The following USP32 variants were observed in gnomAD, a reference collection of about 807,000 sequenced individuals.
USP32 encodes the protein ubiquitin carboxyl-terminal hydrolase 32.
Under a neutral mutation model 204.8 loss-of-function variants are expected in USP32, and 59 were observed. The observed-to-expected ratio is 0.29, with a 90% confidence interval of 0.23 to 0.36. The LOEUF is 0.36. USP32 is among the 10% of genes least tolerant of loss of function. The probability of loss-of-function intolerance (pLI) is 1.00; values close to 1 mark genes in which losing one functional copy is unlikely to be tolerated. For synonymous variants in USP32, 517 were observed against 678.4 expected (o/e 0.76, Z 3.70); for missense variants, 1,160 against 1,946.4 (o/e 0.60, Z 7.60).
chr17:60,308,878 G>A (rs1431697630), intron 2 of USP32, among the ~76,000 whole-genome samples: 3 of 152,146 alleles, frequency 2.0e-5, no homozygotes, highest in Non-Finnish European at 4.4e-5. Flanking sequence ...GCAGTGAGCC[G>A]AGACTGTGCC....
At chr17:60,391,732 C>A (rs2089837979) in intron 1 of USP32, 150 bp downstream of exon 1, 14 of 783,672 alleles carry the variant, frequency 1.8e-5, no homozygotes, top group Non-Finnish European at 2.8e-5. Context: ...CGACCTCTCT[C>A]CTCCACCACA....
At chr17:60,270,955 GA>G (rs1205499748) in intron 6 of USP32, among the ~76,000 whole-genome samples, 2 of 151,824 alleles carry the variant, frequency 1.3e-5, no homozygotes, top group Admixed American at 1.3e-4. Context: ...TTATGTAAAA[GA>G]AAAAAAGTAG....
intron 21 of USP32, among the ~76,000 whole-genome samples, chr17:60,210,146 T>C (rs2084923497): frequency 6.6e-6 from 1 of 152,046 alleles, no homozygotes; most frequent in African/African-American, 2.4e-5. Flanking sequence ...TGGCAAGAGG[T>C]AAGTAGTCAA....
At chr17:60,199,780 C>T (rs1346229357) in intron 26 of USP32, among the ~76,000 whole-genome samples, 3 of 152,086 alleles carry the variant, frequency 2.0e-5, no homozygotes, top group Admixed American at 6.6e-5. Flanking sequence ...AATTTTAAAA[C>T]GTAGCTAAAC....
chr17:60,389,268 C>A (rs968838463), intron 1 of USP32, among the ~76,000 whole-genome samples: 5 of 152,260 alleles, frequency 3.3e-5, no homozygotes, highest in Non-Finnish European at 7.4e-5. Flanking sequence ...CTGGGGACAG[C>A]CGCAGTGGCT....
At chr17:60,421,586 G>A (rs979219743) in intron 1 of USP32, 1 of 984,682 alleles carries the variant, frequency 1.0e-6, no homozygotes, top group Admixed American at 6.1e-5. Context: ...CTCGAGTGAG[G>A]AAACTGCGGG....
chr17:60,203,887 T>C (rs565040447), intron 26 of USP32, among the ~76,000 whole-genome samples: 44 of 152,266 alleles, frequency 2.9e-4, no homozygotes, highest in East Asian at 5.8e-4. Context: ...TCCTTTACTT[T>C]ATAAAATTAA....
intron 11 of USP32, among the ~76,000 whole-genome samples, chr17:60,240,593 C>A (rs2085851431): frequency 6.6e-6 from 1 of 152,128 alleles, no homozygotes; most frequent in Admixed American, 6.6e-5. Context: ...CAATGGTTTA[C>A]AACTATGCCT....
chr17:60,249,330 T>C (rs2145698829), intron 11 of USP32: 1 of 163,970 alleles, frequency 6.1e-6, no homozygotes, highest in South Asian at 2.0e-4. Context: ...AAGCCCACTT[T>C]GGTTTCTCCT....
At chr17:60,349,596 A>AT (rs1249040514) in intron 1 of USP32, among the ~76,000 whole-genome samples, 204 of 65,156 alleles carry the variant, frequency 3.1e-3, no homozygotes, top group Non-Finnish European at 4.1e-3. Flanking sequence ...AAAAAAAAAA[A>AT]ATATATATAT....
At chr17:60,259,152 A>G (rs545717416) in intron 9 of USP32, among the ~76,000 whole-genome samples, 2 of 152,294 alleles carry the variant, frequency 1.3e-5, no homozygotes, top group East Asian at 3.9e-4. Context: ...CTCCCTTTAC[A>G]CATTTTATGG....
At chr17:60,208,015 T>G (rs777031215) in intron 24 of USP32, 44 bp downstream of exon 24, 1 of 1,518,822 alleles carries the variant, frequency 6.6e-7, no homozygotes, top group South Asian at 1.3e-5. Context: ...AAATGTCATC[T>G]TTGGAGGATA....
chr17:60,407,954 T>C (rs979678060), intron 1 of USP32, among the ~76,000 whole-genome samples: 15 of 151,604 alleles, frequency 9.9e-5, no homozygotes, highest in African/African-American at 3.6e-4. Flanking sequence ...AAAAATCAGC[T>C]GGGCGTGGGG....
intron 33 of USP32, among the ~76,000 whole-genome samples, chr17:60,179,892 GA>G (rs2084058277): frequency 6.6e-6 from 1 of 152,110 alleles, no homozygotes; most frequent in South Asian, 2.1e-4. Context: ...GGATGGTCTC[GA>G]TCTCCTGACC....
Position 60,388,745 on chromosome 17 carries a change from TAC to T in USP32, c.58+3135_58+3136del, listed in dbSNP as rs1277111081. ...ACATCTCCCTAACAGTGTTTAAATG[TAC>T]ACTTTTAGAAAACGTTAAGGTTTAG... is the stretch of plus-strand genomic sequence containing the variant. On this transcript the variant is annotated intron_variant, in intron 1 of 33. Coordinates refer to ENST00000300896, the MANE Select transcript of USP32 (RefSeq NM_032582.4). Among the ~76,000 whole-genome samples the T allele has an allele frequency of 2.0e-5, 3 of 152,320 alleles. No homozygotes were observed. In the East Asian group the frequency reaches 5.8e-4, roughly 29 times the overall value.
At chr17:60,231,545 C>G (rs533021803) in intron 12 of USP32, 36 of 516,290 alleles carry the variant, frequency 7.0e-5, no homozygotes, top group African/African-American at 6.7e-4. Flanking sequence ...ACAAGGCTGC[C>G]CCACTCGTGG....
chr17:60,330,191 C>A (rs1215845922), intron 2 of USP32, among the ~76,000 whole-genome samples: 1 of 152,168 alleles, frequency 6.6e-6, no homozygotes, highest in Non-Finnish European at 1.5e-5. Flanking sequence ...GGTTTCAAGT[C>A]AAAATTGCTC....
chr17:60,378,915 G>T (rs565831808), intron 1 of USP32, among the ~76,000 whole-genome samples: 107 of 151,942 alleles, frequency 7.0e-4, no homozygotes, highest in Non-Finnish European at 1.2e-3. Context: ...ATGGTAAATG[G>T]TATGTTCTAT....
intron 11 of USP32, among the ~76,000 whole-genome samples, chr17:60,240,790 G>A (rs1027732159): frequency 2.0e-5 from 3 of 152,088 alleles, no homozygotes; most frequent in African/African-American, 4.8e-5. Context: ...CCCACCACCC[G>A]CAAGACTTTC....
Sources: gnomAD v4.1 joint callset for allele counts (sites outside exome capture counted in the v4.1 genomes callset) on GRCh38, gnomAD v4.1.1 for gene constraint, MANE v1.5 for transcripts, NCBI Gene and HGNC (gene_info 2026-07-23, HGNC 2026-07-21) for gene names.